Variants in DPP10 observed in about 807,000 individuals in gnomAD.
The protein encoded by DPP10 is dipeptidyl peptidase like 10.
In DPP10, 33 loss-of-function variants were observed where a neutral mutation model predicts 120.9. The observed-to-expected ratio is 0.27, with a 90% CI of 0.21 to 0.37. The LOEUF (loss-of-function observed/expected upper bound fraction) is 0.37, where lower values mean the gene tolerates loss of function less well. Among genes scored for constraint, DPP10 ranks in the 10% least tolerant of loss-of-function variants. The pLI, the probability that DPP10 is intolerant of heterozygous loss-of-function variation, is 1.00. For synonymous variants in DPP10, 337 were observed against 326.1 expected, an observed-to-expected ratio of 1.03 and a Z score of -0.36; for missense variants, 816 against 942.8, an observed-to-expected ratio of 0.87 and a Z score of 1.76.
chr2:114,986,544 T>C (rs906656112), intron 1 of DPP10, among the ~76,000 whole-genome samples: 5 of 152,094 alleles, frequency 3.3e-5, no homozygotes, highest in African/African-American at 1.2e-4. Context: ...AGGGTGATCA[T>C]GATTTTAACT....
chr2:115,384,488 G>A (rs1373186033), intron 3 of DPP10, among the ~76,000 whole-genome samples: 1 of 148,858 alleles, frequency 6.7e-6, no homozygotes, highest in Non-Finnish European at 1.5e-5. Context: ...GGAAGAAGAA[G>A]AAGAAGAGGA....
intron 11 of DPP10, among the ~76,000 whole-genome samples, chr2:115,759,792 C>T (rs1474813578): frequency 6.6e-6 from 1 of 152,082 alleles, no homozygotes; most frequent in Non-Finnish European, 1.5e-5. Context: ...GGGCAGATCA[C>T]CTGAGGTCAG....
At chr2:115,275,798 C>T (rs1230721018) in intron 1 of DPP10, among the ~76,000 whole-genome samples, 1 of 149,818 alleles carries the variant, frequency 6.7e-6, no homozygotes, top group Non-Finnish European at 1.5e-5. Flanking sequence ...CTCCCGGGTT[C>T]ACACCATTCT....
At chr2:115,681,792 C>A (rs2090676590) in intron 5 of DPP10, among the ~76,000 whole-genome samples, 1 of 42,952 alleles carries the variant, frequency 2.3e-5, no homozygotes, top group South Asian at 6.4e-4. Context: ...TTCTTTCTTT[C>A]TCTTCCTTCC....
At chr2:115,195,590 AATT>A (rs1316163813) in intron 1 of DPP10, among the ~76,000 whole-genome samples, 11 of 152,170 alleles carry the variant, frequency 7.2e-5, no homozygotes, top group Admixed American at 5.9e-4. Context: ...TGTACCCAGA[AATT>A]ATTATTACAT....
rs566833285 is a variant in DPP10, at chr2:115,475,219, C to T, written c.272-24291C>T. ...TGGTTTTGAGGGCCAAGTCCAGGGC[C>T]CCACGGACCTGTGCAGCCTTGGGAC... On this transcript the variant is annotated intron_variant, in intron 3 of 25. Coordinates refer to ENST00000410059, the MANE Select transcript of DPP10 (RefSeq NM_020868.6). Among the ~76,000 whole-genome samples the T allele has an allele frequency of 1.4e-4, 22 of 152,254 alleles. No individual in the cohort carries two copies. The South Asian group carries it at 4.4e-3, about 30-fold the overall frequency.
chr2:114,562,109 A>AGT (rs1688811976), intron 1 of DPP10, among the ~76,000 whole-genome samples: 1 of 152,214 alleles, frequency 6.6e-6, no homozygotes, highest in Non-Finnish European at 1.5e-5. Flanking sequence ...TGATGAATTC[A>AGT]ACCAATATTA....
At chr2:115,569,680 C>T (rs933303771) in intron 5 of DPP10, among the ~76,000 whole-genome samples, 1 of 152,156 alleles carries the variant, frequency 6.6e-6, no homozygotes. Context: ...TTAACTGACA[C>T]AATTATATCA....
intron 7 of DPP10, among the ~76,000 whole-genome samples, chr2:115,700,140 C>T (rs958311512): frequency 1.3e-5 from 2 of 152,074 alleles, no homozygotes; most frequent in Non-Finnish European, 2.9e-5. Context: ...AGAACTCACT[C>T]ATTATCCTGA....
At chr2:115,673,399 C>T (rs562749167) in intron 5 of DPP10, among the ~76,000 whole-genome samples, 1 of 152,230 alleles carries the variant, frequency 6.6e-6, no homozygotes, top group East Asian at 1.9e-4. Context: ...GAAATATTCT[C>T]TATCTGCCTG....
At chr2:115,543,369 A>T (rs1436365426) in intron 5 of DPP10, among the ~76,000 whole-genome samples, 1 of 152,090 alleles carries the variant, frequency 6.6e-6, no homozygotes, top group Admixed American at 6.6e-5. Flanking sequence ...AGCTCAGGAC[A>T]TCAAAGTTGA....
chr2:115,790,331 G>C lies in DPP10; in HGVS notation c.1532-750G>C, dbSNP rs189833974. ...CCTGACCTCATGATCCACCCGCCTC[G>C]GCCTCCCAAAGTGCTGGGATTACAG... On this transcript the variant is annotated intron_variant, in intron 17 of 25. Coordinates refer to ENST00000410059, the MANE Select transcript of DPP10 (RefSeq NM_020868.6). Among the ~76,000 whole-genome samples the C allele has an allele frequency of 6.0e-4, 90 of 151,028 alleles. 1 individual carries two copies. In the East Asian group the frequency reaches 0.016, roughly 27 times the overall value.
intron 1 of DPP10, among the ~76,000 whole-genome samples, chr2:114,878,977 T>A (rs956427345): frequency 6.6e-6 from 1 of 152,120 alleles, no homozygotes; most frequent in Non-Finnish European, 1.5e-5. Context: ...GAAATTTTCA[T>A]GTGAAAGGTA....
intron 1 of DPP10, among the ~76,000 whole-genome samples, chr2:115,246,304 A>G (rs1310668091): frequency 6.6e-6 from 1 of 152,152 alleles, no homozygotes; most frequent in Non-Finnish European, 1.5e-5. Context: ...TGAAAATATC[A>G]TTAGGGACAC....
At chr2:115,197,094 A>G (rs950277980) in intron 1 of DPP10, among the ~76,000 whole-genome samples, 1 of 152,122 alleles carries the variant, frequency 6.6e-6, no homozygotes, top group Non-Finnish European at 1.5e-5. Flanking sequence ...TGGGCTGAGG[A>G]AACGAAGGAG....
intron 1 of DPP10, among the ~76,000 whole-genome samples, chr2:114,746,976 A>G (rs1201955554): frequency 6.6e-6 from 1 of 152,248 alleles, no homozygotes; most frequent in Non-Finnish European, 1.5e-5. Flanking sequence ...TAGTCACTAT[A>G]TATACACTGA....
At chr2:115,436,258 C>T (rs184887320) in intron 3 of DPP10, among the ~76,000 whole-genome samples, 80 of 151,834 alleles carry the variant, frequency 5.3e-4, no homozygotes, top group African/African-American at 1.8e-3. Context: ...CATGTTCTTA[C>T]CTCTGTGTTT....
intron 1 of DPP10, among the ~76,000 whole-genome samples, chr2:115,025,405 G>C (rs1356105506): frequency 1.3e-5 from 2 of 152,064 alleles, no homozygotes; most frequent in Non-Finnish European, 2.9e-5. Flanking sequence ...TTCATCCATT[G>C]ATGGACACTT....
chr2:115,052,144 G>A (rs1479929599), intron 1 of DPP10, among the ~76,000 whole-genome samples: 1 of 152,040 alleles, frequency 6.6e-6, no homozygotes, highest in Non-Finnish European at 1.5e-5. Context: ...CAAGGAGTTT[G>A]GGCCGCTATC....
Sources: allele counts gnomAD v4.1 joint callset (sites outside exome capture counted in the v4.1 genomes callset), GRCh38; gene constraint gnomAD v4.1.1; transcripts MANE v1.5; gene names NCBI Gene and HGNC (gene_info 2026-07-23, HGNC 2026-07-21).